The following ERAP1 variants were observed in gnomAD, a reference collection of about 807,000 sequenced individuals.
ERAP1 encodes adipocyte-derived leucine aminopeptidase.
In ERAP1, 86 loss-of-function variants were observed where a neutral mutation model predicts 103.7. That is an observed-to-expected ratio of 0.83 (90% CI 0.70 to 0.99). The LOEUF (loss-of-function observed/expected upper bound fraction) is 0.99, where lower values mean the gene tolerates loss of function less well. Among genes scored for constraint, ERAP1 ranks in the 50% least tolerant of loss-of-function variants. ERAP1 has a pLI of 0.00. For synonymous variants in ERAP1, 398 were observed against 402.4 expected (o/e 0.99, Z 0.13); for missense variants, 1,009 against 1,128.4 (o/e 0.89, Z 1.52).
chr5:96,761,487 G>A (rs577295640), exon 20 of ERAP1: 1 of 152,140 alleles, frequency 6.6e-6, no homozygotes, highest in Non-Finnish European at 1.5e-5. Context: ...ATTTCTGAAT[G>A]TTGGTATCTT....
At chr5:96,768,502 C>CT (rs553007301) in intron 19 of ERAP1, 24 of 405,784 alleles carry the variant, frequency 5.9e-5, no homozygotes, top group East Asian at 1.5e-4. Context: ...TGTGGATTTC[C>CT]TTTTTTTTCT....
At chr5:96,890,084 A>G in the ERAP1 span, among the ~76,000 whole-genome samples, 1 of 152,198 alleles carries the variant, frequency 6.6e-6, no homozygotes, top group East Asian at 1.9e-4. Flanking sequence ...TTGTGGTAGT[A>G]GGTCTTTACA....
intron 7 of ERAP1, 30 bp from the exon 8 acceptor site, chr5:96,792,222 C>G: frequency 6.2e-7 from 1 of 1,606,148 alleles, no homozygotes; most frequent in Non-Finnish European, 8.5e-7. Context: ...AAAACATCAC[C>G]TATGATTTAC....
At chr5:96,762,421 AC>A in exon 20 of ERAP1, 1 of 1,363,158 alleles carries the variant, frequency 7.3e-7, no homozygotes, top group South Asian at 1.4e-5. Context: ...CGCAGCCACA[AC>A]TAGAAAGAAA....
At chr5:96,903,357 T>C in the ERAP1 span, 2 of 1,585,260 alleles carry the variant, frequency 1.3e-6, no homozygotes, top group Non-Finnish European at 1.7e-6. Flanking sequence ...AAAATGCCTA[T>C]GCCAATCTTA....
At chr5:96,929,943 AT>A in the ERAP1 span, among the ~76,000 whole-genome samples, 1 of 152,156 alleles carries the variant, frequency 6.6e-6, no homozygotes, top group Non-Finnish European at 1.5e-5. Context: ...CCTGCCTAAC[AT>A]TTTGGTTGCT....
At chr5:96,922,927 A>T in the ERAP1 span, among the ~76,000 whole-genome samples, 1 of 152,202 alleles carries the variant, frequency 6.6e-6, no homozygotes, top group Non-Finnish European at 1.5e-5. Context: ...AGTTTCAAAC[A>T]ACTGTGCCTC....
the ERAP1 span, among the ~76,000 whole-genome samples, chr5:96,888,417 A>G: frequency 0.55 from 83,497 of 152,042 alleles, 22,962 homozygotes; most frequent in Admixed American, 0.6. Context: ...TTACTAAATC[A>G]TTATGTGTTT....
chr5:96,898,602 T>C, the ERAP1 span, among the ~76,000 whole-genome samples: 77,540 of 144,078 alleles, frequency 0.54, 20,965 homozygotes, highest in Admixed American at 0.58. Context: ...ATTAGCCAGG[T>C]CTGGTGGATC....
the ERAP1 span, among the ~76,000 whole-genome samples, chr5:96,838,652 C>A: frequency 6.6e-6 from 1 of 152,048 alleles, no homozygotes. Flanking sequence ...TTTATTACTT[C>A]CTTCCATATA....
chr5:96,795,061 C>G lies in ERAP1; in HGVS notation c.900G>C (p.Pro300=). The part of the protein sequence containing the change: ...LEFYEDYFSI[P]YPLPKQDLAA... ...CTCTACCTTGTTTGGGTAGGGGATA[C>G]GGTATGCTGAAATAATCCTCATAAA... Residue 300 remains proline (P), a synonymous_variant, in exon 5 of 19, where the codon CCG becomes CCC. Transcript: ENST00000443439. The G allele has an allele frequency of 6.2e-7, 1 of 1,613,766 alleles. No homozygotes were observed. Among genetic ancestry groups the G allele is most frequent in the South Asian group, 1.1e-5 (1 of 91,054 alleles).
At position 96,803,837 on chromosome 5, in the gene ERAP1, T is replaced by C; in HGVS notation, c.90A>G (p.Ser30=). The change falls in exon 2 of 19, where the codon TCA becomes TCG. Residue 30 remains serine, a synonymous_variant. Transcript: ENST00000443439. ...LLALLTVSTP[S]WCQSTEASPK... ...GAGATGCTTCAGTGCTCTGACACCATGAAGGAGTGGACACAGTTAAGAGAG... is the reference window on the plus strand; with the variant it reads ...GAGATGCTTCAGTGCTCTGACACCACGAAGGAGTGGACACAGTTAAGAGAG... 6.2e-7 allele frequency: 1 copy of C among 1,614,160 alleles called. No homozygotes were observed. Among genetic ancestry groups the C allele is most frequent in the Non-Finnish European group, 8.5e-7 (1 of 1,180,044 alleles).
the ERAP1 span, among the ~76,000 whole-genome samples, chr5:96,906,530 A>T: frequency 6.6e-6 from 1 of 152,312 alleles, no homozygotes; most frequent in East Asian, 1.9e-4. Context: ...GGCTTCCCCA[A>T]TTGCTGGGAT....
the ERAP1 span, among the ~76,000 whole-genome samples, chr5:96,816,885 T>C: frequency 0.66 from 100,315 of 151,942 alleles, 33,617 homozygotes; most frequent in Non-Finnish European, 0.72. Flanking sequence ...GCCTATTTTG[T>C]AGTTGTGAGA....
chr5:96,840,712 CT>C, the ERAP1 span, among the ~76,000 whole-genome samples: 95,044 of 140,490 alleles, frequency 0.68, 32,983 homozygotes, highest in Non-Finnish European at 0.79. Context: ...TTCTTTTTTT[CT>C]TTTTTTTTTT....
the ERAP1 span, among the ~76,000 whole-genome samples, chr5:96,892,752 A>T: frequency 6.6e-6 from 1 of 152,218 alleles, no homozygotes; most frequent in Non-Finnish European, 1.5e-5. Flanking sequence ...CATGAAGCAC[A>T]GAATTGGAAA....
the ERAP1 span, among the ~76,000 whole-genome samples, chr5:96,819,873 C>G: frequency 1.3e-5 from 2 of 152,166 alleles, no homozygotes; most frequent in African/African-American, 4.8e-5. Context: ...ACTTCAAGCA[C>G]CTATGGATTT....
chr5:96,861,070 A>G, the ERAP1 span, among the ~76,000 whole-genome samples: 2 of 152,034 alleles, frequency 1.3e-5, no homozygotes, highest in African/African-American at 4.8e-5. Flanking sequence ...TTGTCTCCCT[A>G]GAAGTTTGTA....
the ERAP1 span, among the ~76,000 whole-genome samples, chr5:96,857,184 C>A: frequency 6.6e-6 from 1 of 152,248 alleles, no homozygotes; most frequent in East Asian, 1.9e-4. Flanking sequence ...CAGGACTCAG[C>A]ATCAATGCCA....
Sources: allele counts gnomAD v4.1 joint callset (sites outside exome capture counted in the v4.1 genomes callset), GRCh38; gene constraint gnomAD v4.1.1; transcripts MANE v1.5; gene names NCBI Gene and HGNC (gene_info 2026-07-23, HGNC 2026-07-21).